The following TMEM39B variants were observed in gnomAD, a reference collection of about 807,000 sequenced individuals.
TMEM39B encodes the protein transmembrane protein 39B.
A neutral mutation model predicts 52.2 loss-of-function variants in TMEM39B; 23 were observed. The observed-to-expected ratio is 0.44, with a 90% CI of 0.32 to 0.62. The LOEUF is 0.62. TMEM39B is among the 20% of genes least tolerant of loss of function. The pLI is 0.06. For synonymous variants in TMEM39B, 285 were observed against 264.0 expected (o/e 1.08, Z -0.77); for missense variants, 547 against 642.0 (o/e 0.85, Z 1.60).
At chr1:32,080,134 C>T (rs963827147) in intron 5 of TMEM39B, among the ~76,000 whole-genome samples, 3 of 151,910 alleles carry the variant, frequency 2.0e-5, no homozygotes, top group Admixed American at 2.0e-4. Context: ...GTGATCCGCC[C>T]ACCTTGGTCT....
rs1470668691 is a variant in TMEM39B at position 32,087,224 on chromosome 1, A to G, written c.591-4451A>G. On this transcript the variant is annotated intron_variant, in intron 5 of 8. Transcript: ENST00000336294. ...AAAATTAATTTCAGGAGGCTGATGC[A>G]GGAGAATCTCTTGAACCCGGGAGGG... Among the ~76,000 whole-genome samples the G allele has an allele frequency of 2.0e-5, 3 of 150,248 alleles. No homozygotes were observed. In the East Asian group the frequency reaches 6.0e-4, roughly 30 times the overall value.
At chr1:32,100,647 G>A (rs1307313273) in intron 8 of TMEM39B, 85 bp downstream of exon 8, 5 of 1,571,074 alleles carry the variant, frequency 3.2e-6, no homozygotes, top group Admixed American at 1.7e-5. Context: ...CATTGCAAGA[G>A]AAAGCTATTT....
chr1:32,087,621 C>A (rs1640413686), intron 5 of TMEM39B: 1 of 148,408 alleles, frequency 6.7e-6, no homozygotes. Context: ...GAAACTGTCT[C>A]AAAATAATAA....
intron 1 of TMEM39B, chr1:32,073,373 T>G: frequency 9.9e-5 from 26 of 262,106 alleles, no homozygotes; most frequent in East Asian, 5.6e-4. Flanking sequence ...GTGGAGATTC[T>G]GGGCAGGGGG....
At chr1:32,088,582 T>C (rs868161728) in intron 5 of TMEM39B, among the ~76,000 whole-genome samples, 2 of 127,206 alleles carry the variant, frequency 1.6e-5, no homozygotes, top group Admixed American at 8.1e-5. Context: ...TTTTTTTTTT[T>C]CTGATACAGA....
intron 5 of TMEM39B, among the ~76,000 whole-genome samples, chr1:32,090,700 C>T (rs1331276819): frequency 2.0e-5 from 3 of 151,962 alleles, no homozygotes; most frequent in South Asian, 2.1e-4. Context: ...AGTGCAGTGG[C>T]GCGATCTCGG....
intron 7 of TMEM39B, among the ~76,000 whole-genome samples, chr1:32,099,430 A>G (rs1406187237): frequency 6.6e-6 from 1 of 152,176 alleles, no homozygotes; most frequent in Non-Finnish European, 1.5e-5. Context: ...ACAAACCTGC[A>G]TGTTGTACAC....
chr1:32,097,014 A>C (rs1640834692), intron 7 of TMEM39B, among the ~76,000 whole-genome samples: 1 of 152,048 alleles, frequency 6.6e-6, no homozygotes, highest in African/African-American at 2.4e-5. Context: ...CATGTTGCCC[A>C]GGCTGGTCTA....
chr1:32,081,553 G>T (rs937019389), intron 5 of TMEM39B, among the ~76,000 whole-genome samples: 8 of 152,252 alleles, frequency 5.3e-5, no homozygotes, highest in African/African-American at 1.9e-4. Flanking sequence ...TTCAAGACCA[G>T]CCTGGCCATC....
intron 3 of TMEM39B, 106 bp downstream of exon 3, chr1:32,075,928 A>G: frequency 4.1e-6 from 3 of 737,728 alleles, no homozygotes; most frequent in African/African-American, 1.8e-5. Context: ...ACTAAGCACC[A>G]CTGTGCACTT....
intron 5 of TMEM39B, 57 bp downstream of exon 5, chr1:32,077,375 C>G: frequency 8.2e-6 from 13 of 1,589,788 alleles, no homozygotes; most frequent in Non-Finnish European, 1.1e-5. Flanking sequence ...GACCTCTGCC[C>G]TGACCGTAGC....
chr1:32,100,551 T>G lies in TMEM39B; in HGVS notation c.1225T>G (p.Phe409Val). Residue 409 changes from phenylalanine (F) to valine (V), a missense_variant, in exon 8 of 9, where the codon TTC (phenylalanine) becomes GTC (valine). Physicochemically the swap from Phe to Val is conservative, Grantham distance 50 (BLOSUM62 -1). Coordinates refer to ENST00000336294, the MANE Select transcript of TMEM39B (RefSeq NM_018056.4). ...GGCTATCCCCTCTGACGTCTCCCAC[T>G]TCCGCTTCCATGTGAGTCTCCTCCC... ...NVAIPSDVSH[F>V]RFHFFFSKPL... The G allele has an allele frequency of 6.2e-7, 1 of 1,614,166 alleles. No individual in the cohort carries two copies. Among genetic ancestry groups the G allele is most frequent in the Non-Finnish European group, 8.5e-7 (1 of 1,179,998 alleles).
In TMEM39B at chr1:32,091,988, T is replaced by C. The variant is rs1331987063; in HGVS notation, c.904T>C (p.Phe302Leu). Residue 302 changes from phenylalanine to leucine, a missense_variant, in exon 6 of 9, where the codon TTT (phenylalanine) becomes CTT (leucine). By Grantham distance (22) the Phe-to-Leu change is conservative. Transcript: ENST00000336294. ...CATGCTGAGCGCCTACTATGTGGCC[T>C]TTGTGCCTGTCTGGTTCGTGAAGGT... ...SSMLSAYYVAFVPVWFVKNTH... is the reference protein window; with the variant it reads ...SSMLSAYYVALVPVWFVKNTH... The C allele has an allele frequency of 6.2e-7, 1 of 1,613,920 alleles. No individual in the cohort carries two copies. The highest frequency in any genetic ancestry group is 2.2e-5 in the East Asian group (1 of 44,870).
chr1:32,092,592 G>C (rs1640652202), intron 6 of TMEM39B, among the ~76,000 whole-genome samples: 1 of 152,150 alleles, frequency 6.6e-6, no homozygotes, highest in South Asian at 2.1e-4. Flanking sequence ...CCAGGTTCAA[G>C]CAGTTCTCCT....
intron 6 of TMEM39B, among the ~76,000 whole-genome samples, chr1:32,092,272 T>C (rs1025503315): frequency 3.9e-5 from 6 of 152,148 alleles, no homozygotes; most frequent in Non-Finnish European, 7.3e-5. Flanking sequence ...TCCTCCTGTC[T>C]CAGCCTCTTG....
At chr1:32,098,761 G>A (rs769303757) in intron 7 of TMEM39B, among the ~76,000 whole-genome samples, 65 of 152,040 alleles carry the variant, frequency 4.3e-4, no homozygotes, top group Non-Finnish European at 8.1e-4. Flanking sequence ...AAAGCTCACC[G>A]GTCCTAGCAT....
At chr1:32,096,451 CTTTTTTTTTTTTTT>C (rs965499225) in intron 7 of TMEM39B, among the ~76,000 whole-genome samples, 10 of 105,024 alleles carry the variant, frequency 9.5e-5, no homozygotes, top group Non-Finnish European at 1.4e-4. Flanking sequence ...CTCCTCTGGC[CTTTTTTTTTTTTTT>C]TTTTTTTTTT....
rs374922912 is a variant in TMEM39B, at chr1:32,094,945, G to T, written c.1089G>T (p.Ala363=). The T allele has an allele frequency of 5.0e-6, 8 of 1,613,432 alleles. No homozygotes were observed. The highest frequency in any genetic ancestry group is 5.9e-6 in the Non-Finnish European group (7 of 1,180,036). The part of the protein sequence containing the change: ...HLGCWQKVDP[A]LCSNVLQHPW... Reference sequence around the variant, plus strand: ...GCTGTTGGCAGAAGGTGGACCCAGCGCTGTGCTCCAACGTGCTGCAGCACC... The same window carrying T: ...GCTGTTGGCAGAAGGTGGACCCAGCTCTGTGCTCCAACGTGCTGCAGCACC... The change falls in exon 7 of 9, where the codon GCG becomes GCT. Residue 363 remains alanine, a synonymous_variant. Transcript: ENST00000336294.
chr1:32,100,519 A>G lies in TMEM39B; in HGVS notation c.1193A>G (p.Tyr398Cys). Residue 398 changes from tyrosine (Y) to cysteine (C), a missense_variant, in exon 8 of 9, where the codon TAC becomes TGC. Transcript: ENST00000336294. The part of the protein sequence containing the change: ...SKNVYKAVGH[Y>C]NVAIPSDVSH... ...AACGTCTACAAAGCCGTAGGCCACT[A>G]CAACGTGGCTATCCCCTCTGACGTC... 8 of 1,614,094 alleles carry G rather than the reference A, an allele frequency of 5.0e-6. No homozygotes were observed. Among genetic ancestry groups the G allele is most frequent in the Non-Finnish European group, 6.8e-6 (8 of 1,179,970 alleles).
Sources: allele counts gnomAD v4.1 joint callset (sites outside exome capture counted in the v4.1 genomes callset), GRCh38; gene constraint gnomAD v4.1.1; transcripts MANE v1.5; gene names NCBI Gene and HGNC (gene_info 2026-07-23, HGNC 2026-07-21).